The following STK32A variants were observed in gnomAD, a reference collection of about 807,000 sequenced individuals.
The protein encoded by STK32A is serine/threonine kinase 32A.
A neutral mutation model predicts 53.2 loss-of-function variants in STK32A; 41 were observed. The ratio of observed to expected loss-of-function variants is 0.77; its 90% CI spans 0.60 to 1.00. STK32A has a LOEUF of 1.00. Among genes scored for constraint, STK32A ranks in the 50% least tolerant of loss-of-function variants. The pLI, the probability that STK32A is intolerant of heterozygous loss-of-function variation, is 0.00. For synonymous variants in STK32A, 166 were observed against 162.8 expected (o/e 1.02, Z -0.15); for missense variants, 458 against 485.8 (o/e 0.94, Z 0.54).
rs574898652 is a variant in STK32A, at chr5:147,296,691, C to T, written c.260+17293C>T. 3.3e-5 allele frequency among the ~76,000 whole-genome samples: 5 copies of T among 152,142 alleles called. No homozygotes were observed. The South Asian group carries it at 6.2e-4, about 19-fold the overall frequency. On this transcript the variant is annotated intron_variant, in intron 4 of 12. Transcript: ENST00000397936. ...GGTTTTTCTATCTACTGGGAGATTG[C>T]CTTTTCCTGGCGCCGGCTGCAACCA...
chr5:147,361,297 A>T (rs1756491552), intron 7 of STK32A, among the ~76,000 whole-genome samples: 1 of 152,178 alleles, frequency 6.6e-6, no homozygotes, highest in African/African-American at 2.4e-5. Context: ...ATGAAGGCCT[A>T]TGCATGCCTG....
At chr5:147,332,135 C>T (rs1366211193) in intron 5 of STK32A, among the ~76,000 whole-genome samples, 1 of 152,184 alleles carries the variant, frequency 6.6e-6, no homozygotes, top group African/African-American at 2.4e-5. Context: ...TCTGTCCTCA[C>T]TCCTAACATG....
At chr5:147,265,209 T>C (rs1290517261) in intron 2 of STK32A, among the ~76,000 whole-genome samples, 3 of 150,972 alleles carry the variant, frequency 2.0e-5, no homozygotes, top group Non-Finnish European at 4.4e-5. Context: ...GTCAGATAAA[T>C]TTCCTAATTT....
intron 4 of STK32A, among the ~76,000 whole-genome samples, chr5:147,297,338 C>T (rs1423275565): frequency 6.6e-6 from 1 of 152,158 alleles, no homozygotes; most frequent in Non-Finnish European, 1.5e-5. Context: ...AAAGCTGTCT[C>T]TGGAAGGGAA....
At chr5:147,237,973 G>A (rs779571591) in intron 1 of STK32A, among the ~76,000 whole-genome samples, 18 of 152,214 alleles carry the variant, frequency 1.2e-4, no homozygotes, top group Middle Eastern at 3.4e-3. Flanking sequence ...TTAAAAATAC[G>A]CAATAAGGAA....
At chr5:147,348,243 C>A (rs960066945) in intron 6 of STK32A, among the ~76,000 whole-genome samples, 16 of 152,126 alleles carry the variant, frequency 1.1e-4, no homozygotes, top group East Asian at 1.9e-4. Context: ...CTGAATCATG[C>A]AAGTGTAAAC....
At position 147,273,987 on chromosome 5, in the gene STK32A, A is replaced by G. The variant is rs573558155; in HGVS notation, c.53-4137A>G. On this transcript the variant is annotated intron_variant, in intron 2 of 12. Transcript: ENST00000397936. The stretch of plus-strand genomic sequence containing the variant: ...TCATAAACAGATCCCTCATACATAT[A>G]GAATGTCTGTGCCTGGTTGATTAGT... Among the ~76,000 whole-genome samples the G allele has an allele frequency of 5.9e-5, 9 of 152,346 alleles. No individual in the cohort carries two copies. The South Asian group carries it at 1.9e-3, about 32-fold the overall frequency.
At chr5:147,398,999 A>C in the STK32A span, 8 of 1,534,916 alleles carry the variant, frequency 5.2e-6, no homozygotes, top group Non-Finnish European at 7.0e-6. Flanking sequence ...CTACCCTGGC[A>C]CACCACATAA....
At chr5:147,280,316 C>T (rs2163739) in intron 4 of STK32A, among the ~76,000 whole-genome samples, 82,089 of 150,840 alleles carry the variant, frequency 0.54, 22,783 homozygotes, top group African/African-American at 0.65. Flanking sequence ...TAAACCAAGC[C>T]CTTTTATTTC....
At chr5:147,310,769 A>G (rs1161135792) in intron 4 of STK32A, among the ~76,000 whole-genome samples, 4 of 147,092 alleles carry the variant, frequency 2.7e-5, no homozygotes, top group Middle Eastern at 3.2e-3. Context: ...TTGCCCTTTT[A>G]TATGGAGAGC....
At chr5:147,279,477 G>A in intron 4 of STK32A, 79 bp downstream of exon 4, 1 of 1,335,714 alleles carries the variant, frequency 7.5e-7, no homozygotes, top group African/African-American at 1.5e-5. Context: ...ATGCCTCTGG[G>A]ACCTCAGCCC....
intron 2 of STK32A, among the ~76,000 whole-genome samples, chr5:147,248,937 A>C (rs921602078): frequency 6.6e-6 from 1 of 152,080 alleles, no homozygotes; most frequent in African/African-American, 2.4e-5. Context: ...TTTTTTTATT[A>C]GTGGATCCTA....
At chr5:147,343,109 C>A in intron 6 of STK32A, 66 bp downstream of exon 6, 1 of 1,527,480 alleles carries the variant, frequency 6.5e-7, no homozygotes, top group Non-Finnish European at 9.1e-7. Flanking sequence ...TTGTTCCCAG[C>A]AGAGGGGTAT....
intron 4 of STK32A, among the ~76,000 whole-genome samples, chr5:147,279,822 T>A (rs1751964990): frequency 6.6e-6 from 1 of 152,132 alleles, no homozygotes; most frequent in Non-Finnish European, 1.5e-5. Context: ...AATGAGTGTA[T>A]GATGAGGTCC....
At chr5:147,364,382 G>C (rs191635008) in intron 8 of STK32A, among the ~76,000 whole-genome samples, 1 of 151,950 alleles carries the variant, frequency 6.6e-6, no homozygotes. Context: ...CCTCATTTCT[G>C]TCAGACCTCA....
At chr5:147,398,551 G>A in the STK32A span, among the ~76,000 whole-genome samples, 1 of 152,184 alleles carries the variant, frequency 6.6e-6, no homozygotes, top group South Asian at 2.1e-4. Context: ...TAACAACAGT[G>A]TCGAGCCCGT....
Position 147,370,745 on chromosome 5 carries a change from A to G in STK32A, c.752A>G (p.Gln251Arg), listed in dbSNP as rs756309936. The change falls in exon 9 of 13, where the codon CAG becomes CGG. Residue 251 changes from glutamine (Q) to arginine (R), a missense_variant. Coordinates refer to ENST00000397936, the MANE Select transcript of STK32A (RefSeq NM_001112724.2). ...GTAACTTACCCTTCTGCCTGGTCAC[A>G]GGAAATGGTGTCACTTCTTAAAAAG... ...TVVTYPSAWS[Q>R]EMVSLLKKLL... 2.4e-5 allele frequency: 39 copies of G among 1,611,864 alleles called. No homozygotes were observed. The South Asian group carries it at 3.5e-4, about 15-fold the overall frequency.
At chr5:147,239,302 T>G (rs1052624167) in intron 1 of STK32A, among the ~76,000 whole-genome samples, 4 of 152,240 alleles carry the variant, frequency 2.6e-5, no homozygotes, top group Admixed American at 1.3e-4. Flanking sequence ...CTTTTCTACA[T>G]ACTTTGAAAA....
chr5:147,248,783 T>C (rs1489920963), intron 2 of STK32A, among the ~76,000 whole-genome samples: 1 of 152,332 alleles, frequency 6.6e-6, no homozygotes, highest in African/African-American at 2.4e-5. Context: ...AGGGAAGTGC[T>C]GACAGTGCAA....
Sources: allele counts gnomAD v4.1 joint callset (sites outside exome capture counted in the v4.1 genomes callset), GRCh38; gene constraint gnomAD v4.1.1; transcripts MANE v1.5; gene names NCBI Gene and HGNC (gene_info 2026-07-23, HGNC 2026-07-21).